RABGAP1L: variants seen among roughly 807,000 people sequenced by gnomAD.
The protein encoded by RABGAP1L is RAB GTPase activating protein 1 like, also known as rab GTPase-activating protein 1-like.
In RABGAP1L, 63 loss-of-function variants were observed where a neutral mutation model predicts 137.7. The ratio of observed to expected loss-of-function variants is 0.46; its 90% CI spans 0.37 to 0.56. The LOEUF is 0.56. Among genes scored for constraint, RABGAP1L ranks in the 20% least tolerant of loss-of-function variants. The pLI is 0.00. For synonymous variants in RABGAP1L, 431 were observed against 433.7 expected (o/e 0.99, Z 0.08); for missense variants, 1,095 against 1,244.0 (o/e 0.88, Z 1.80).
At chr1:174,881,183 G>A (rs1039637257) in intron 19 of RABGAP1L, among the ~76,000 whole-genome samples, 6 of 152,132 alleles carry the variant, frequency 3.9e-5, no homozygotes, top group African/African-American at 1.4e-4. Context: ...TAGATTGTGT[G>A]TATATTATGG....
Position 174,448,185 on chromosome 1 carries a change from A to G in RABGAP1L, c.1710+54040A>G. The G allele has an allele frequency of 6.2e-7, 1 of 1,613,512 alleles. No homozygotes were observed. Among genetic ancestry groups the G allele is most frequent in the African/African-American group, 1.3e-5 (1 of 74,926 alleles). The stretch of plus-strand genomic sequence containing the variant: ...GGCATTGTGAATGTGTCCGAGCGTC[A>G]CTCCTGCCCACTTGGATTTGGCCAC... On this transcript the variant is annotated intron_variant, in intron 13 of 25. Coordinates refer to ENST00000681986, the MANE Select transcript of RABGAP1L (RefSeq NM_001366446.1). The surrounding 1 kb of genome is among the most constrained non-coding windows in gnomAD (Gnocchi z 4.2).
At chr1:174,800,005 C>T (rs1391759095) in intron 18 of RABGAP1L, 2 of 1,097,076 alleles carry the variant, frequency 1.8e-6, no homozygotes, top group Admixed American at 4.9e-5. Flanking sequence ...CATGCTAGAC[C>T]CTTCTAAGCA....
At chr1:174,585,582 T>C (rs1223047518) in intron 13 of RABGAP1L, among the ~76,000 whole-genome samples, 3 of 152,252 alleles carry the variant, frequency 2.0e-5, no homozygotes, top group Non-Finnish European at 2.9e-5. Context: ...TTTCCCATTA[T>C]GAGTACTTCA....
At chr1:174,442,660 C>A (rs1040491739) in intron 13 of RABGAP1L, among the ~76,000 whole-genome samples, 4 of 152,042 alleles carry the variant, frequency 2.6e-5, no homozygotes, top group African/African-American at 9.7e-5. Flanking sequence ...TACATGCATA[C>A]AATGTGTAAT....
At chr1:174,349,987 G>A (rs1571345247) in intron 11 of RABGAP1L, among the ~76,000 whole-genome samples, 2 of 123,942 alleles carry the variant, frequency 1.6e-5, no homozygotes, top group South Asian at 2.9e-4. Flanking sequence ...CCTCCCGGAC[G>A]GGGTGGCTGG....
At chr1:174,578,018 A>G (rs1426754291) in intron 13 of RABGAP1L, among the ~76,000 whole-genome samples, 1 of 152,270 alleles carries the variant, frequency 6.6e-6, no homozygotes, top group Non-Finnish European at 1.5e-5. Flanking sequence ...AATTGGAAAT[A>G]GCTTAAGTAC....
chr1:174,772,942 T>G (rs947589489), intron 18 of RABGAP1L, among the ~76,000 whole-genome samples: 4 of 152,238 alleles, frequency 2.6e-5, no homozygotes, highest in African/African-American at 7.2e-5. Flanking sequence ...ATTCTATTAC[T>G]GTTAATATTG....
intron 13 of RABGAP1L, among the ~76,000 whole-genome samples, chr1:174,632,337 A>G (rs1025094330): frequency 1.3e-5 from 2 of 148,280 alleles, no homozygotes; most frequent in African/African-American, 5.1e-5. Flanking sequence ...TTTTTCCTTC[A>G]TTTCAACTTT....
intron 3 of RABGAP1L, among the ~76,000 whole-genome samples, chr1:174,228,578 A>G (rs1181421199): frequency 1.3e-5 from 2 of 152,300 alleles, no homozygotes; most frequent in East Asian, 1.9e-4. Context: ...TTTGAAATAC[A>G]TTATATTGAA....
intron 9 of RABGAP1L, 39 bp downstream of exon 9, chr1:174,275,974 AT>A (rs1038798103): frequency 4.0e-6 from 6 of 1,511,732 alleles, no homozygotes; most frequent in Non-Finnish European, 5.5e-6. Flanking sequence ...TTTGCTTTAC[AT>A]TTTATATTAT....
At chr1:174,372,877 T>C (rs1685217688) in intron 12 of RABGAP1L, among the ~76,000 whole-genome samples, 2 of 152,194 alleles carry the variant, frequency 1.3e-5, no homozygotes, top group Admixed American at 6.5e-5. Context: ...TGCATTGCCA[T>C]TATGTTATAT....
At chr1:174,892,896 A>AT (rs748971722) in intron 19 of RABGAP1L, among the ~76,000 whole-genome samples, 2,841 of 91,930 alleles carry the variant, frequency 0.031, 46 homozygotes, top group Non-Finnish European at 0.041. Context: ...CACCCAGCTA[A>AT]TTTTTTTTTT....
chr1:174,356,027 C>T (rs1017315044), intron 11 of RABGAP1L, among the ~76,000 whole-genome samples: 10 of 152,248 alleles, frequency 6.6e-5, no homozygotes, highest in Middle Eastern at 3.4e-3. Context: ...ATTTGAGAAA[C>T]GAGAGATTAT....
chr1:174,563,494 C>T (rs1176573472), intron 13 of RABGAP1L, among the ~76,000 whole-genome samples: 1 of 151,828 alleles, frequency 6.6e-6, no homozygotes, highest in Non-Finnish European at 1.5e-5. Flanking sequence ...GTTCTCTTAA[C>T]CATAAAATGA....
intron 13 of RABGAP1L, among the ~76,000 whole-genome samples, chr1:174,530,202 T>G (rs1664266432): frequency 6.6e-6 from 1 of 151,768 alleles, no homozygotes; most frequent in Non-Finnish European, 1.5e-5. Flanking sequence ...GTGTACTACT[T>G]GCACCTCAGT....
intron 17 of RABGAP1L, among the ~76,000 whole-genome samples, chr1:174,734,954 CT>C (rs756783714): frequency 0.018 from 1,685 of 96,102 alleles, 22 homozygotes; most frequent in African/African-American, 0.05. Context: ...GGATCTCTCT[CT>C]TTTTTTTTTT....
chr1:174,603,546 A>G (rs565546176), intron 13 of RABGAP1L, among the ~76,000 whole-genome samples: 7 of 152,238 alleles, frequency 4.6e-5, no homozygotes, highest in South Asian at 4.1e-4. Context: ...CTCCTGCTCT[A>G]TTCTACTCCA....
chr1:174,192,824 T>C lies in RABGAP1L; in HGVS notation c.-33-26301T>C, dbSNP rs765093846. ...CCAGAGTCCCTTCACATAAACACTT[T>C]GGGCAGGAAACTAGGCAGGCATGTC... On this transcript the variant is annotated intron_variant, in intron 1 of 25. Transcript: ENST00000681986. Among the ~76,000 whole-genome samples, 97 of 152,278 alleles carry C rather than the reference T, an allele frequency of 6.4e-4. 2 individuals carry two copies. In the Middle Eastern group the frequency reaches 0.01, roughly 16 times the overall value.
In RABGAP1L at chr1:174,993,230, A is replaced by ATGAG. The variant is rs1475103736; in HGVS notation, c.*3232_*3235dup. 1.1e-4 allele frequency: 16 copies of ATGAG among 152,202 alleles called. No homozygotes were observed. The highest frequency in any genetic ancestry group is 3.9e-4 in the African/African-American group (16 of 41,454). The allele number at this position is 152,202 out of a possible 1,614,324, so 9.4% of individuals were successfully genotyped here. On this transcript the variant is annotated 3_prime_UTR_variant, in exon 26 of 26. Transcript: ENST00000681986. ...CTGTTACTTAATGTTCTGTTTATTT[A>ATGAG]TGAGTGCCTATCAGGAACACTAATA...
Sources: gnomAD v4.1 joint callset for allele counts (sites outside exome capture counted in the v4.1 genomes callset) on GRCh38, gnomAD v4.1.1 for gene constraint, Gnocchi (gnomAD v3.1) non-coding constraint, MANE v1.5 for transcripts, NCBI Gene and HGNC (gene_info 2026-07-23, HGNC 2026-07-21) for gene names.